PAQR7: variants seen among roughly 807,000 people sequenced by gnomAD.
The protein encoded by PAQR7 is membrane progestin receptor alpha.
PAQR7 carries 14 observed loss-of-function variants against 24.6 expected under a neutral mutation model. That is an observed-to-expected ratio of 0.57 (90% CI 0.38 to 0.89). The LOEUF is 0.89. Ranked by LOEUF, PAQR7 falls within the 40% of genes least tolerant of loss-of-function variation. The pLI, the probability that PAQR7 is intolerant of heterozygous loss-of-function variation, is 0.00. For synonymous variants in PAQR7, 189 were observed against 198.8 expected (o/e 0.95, Z 0.42); for missense variants, 351 against 444.0 (o/e 0.79, Z 1.88).
chr1:25,864,783 T>C lies in PAQR7; in HGVS notation c.-22-922A>G, dbSNP rs539931671. Among the ~76,000 whole-genome samples, 165 of 151,468 alleles carry C rather than the reference T, an allele frequency of 1.1e-3. 1 individual carries two copies. The highest frequency in any genetic ancestry group is 3.8e-3 in the African/African-American group (157 of 41,246). On this transcript the variant is annotated intron_variant, in intron 2 of 2. Transcript: ENST00000675840. ...GGAGGATCCCTTGAGCCCAGGAATT[T>C]GATGTACAGTGAGCTCTGATCACAC... is the stretch of plus-strand genomic sequence containing the variant.
At chr1:25,874,327 G>C (rs997351337) in intron 1 of PAQR7, among the ~76,000 whole-genome samples, 4 of 152,166 alleles carry the variant, frequency 2.6e-5, no homozygotes, top group Admixed American at 2.6e-4. Context: ...TTATAAGTGT[G>C]AGCTCCCACA....
At chr1:25,867,019 C>T (rs2782824) in intron 2 of PAQR7, among the ~76,000 whole-genome samples, 69,603 of 151,612 alleles carry the variant, frequency 0.46, 17,697 homozygotes, top group South Asian at 0.73. Flanking sequence ...GCGTGAGCCA[C>T]GGCACCCAGC....
intron 1 of PAQR7, among the ~76,000 whole-genome samples, chr1:25,872,159 C>G (rs1193833062): frequency 1.3e-5 from 2 of 152,210 alleles, no homozygotes; most frequent in African/African-American, 4.8e-5. Flanking sequence ...ATAGCTGCCT[C>G]TTGGGCTCTT....
At chr1:25,874,541 G>T (rs1369234590) in intron 1 of PAQR7, among the ~76,000 whole-genome samples, 3 of 152,146 alleles carry the variant, frequency 2.0e-5, no homozygotes, top group African/African-American at 7.2e-5. Flanking sequence ...CTGGAGAGGG[G>T]CAGCCTCTCA....
Position 25,870,357 on chromosome 1 carries a change from C to A in PAQR7, c.-23+252G>T, listed in dbSNP as rs2048593727. Among the ~76,000 whole-genome samples the A allele has an allele frequency of 1.3e-5, 2 of 152,160 alleles. 1 individual carries two copies. The highest frequency in any genetic ancestry group is 2.9e-5 in the Non-Finnish European group (2 of 68,024). ...GGGCAAATTCACCAGATGCTGAGCA[C>A]TTCCACAGATGAGGGGCACTAGGGG... On this transcript the variant is annotated intron_variant, in intron 2 of 2. Transcript: ENST00000675840.
At position 25,862,365 on chromosome 1, in the gene PAQR7, C is replaced by T. The variant is rs1271199165; in HGVS notation, c.*434G>A. On this transcript the variant is annotated 3_prime_UTR_variant, in exon 3 of 3. Transcript: ENST00000675840. ...ATCCTGTATATATTTTGGGCCTACC[C>T]CTTCCGCATCCAGCAATGAAATCTG... 4 of 184,492 alleles carry T rather than the reference C, an allele frequency of 2.2e-5. No individual in the cohort carries two copies. In the Admixed American group the frequency reaches 2.2e-4, roughly 10 times the overall value. The allele number at this position is 184,492 out of a possible 1,614,324, so 11.4% of individuals were successfully genotyped here.
At chr1:25,871,856 C>T (rs1368420870) in intron 1 of PAQR7, among the ~76,000 whole-genome samples, 1 of 152,240 alleles carries the variant, frequency 6.6e-6, no homozygotes, top group Non-Finnish European at 1.5e-5. Context: ...AGCAGACAGG[C>T]TCCCTGCCCC....
At chr1:25,874,379 A>C (rs1035326585) in intron 1 of PAQR7, among the ~76,000 whole-genome samples, 1 of 152,084 alleles carries the variant, frequency 6.6e-6, no homozygotes, top group African/African-American at 2.4e-5. Context: ...TATTCTGTGG[A>C]GCTGAGACTT....
intron 2 of PAQR7, among the ~76,000 whole-genome samples, chr1:25,864,845 G>A (rs963598181): frequency 6.6e-6 from 1 of 152,000 alleles, no homozygotes; most frequent in East Asian, 1.9e-4. Flanking sequence ...GATCTCAAGC[G>A]AGATCCTGTC....
chr1:25,863,854 G>A lies in PAQR7; in HGVS notation c.-15C>T. On this transcript the variant is annotated 5_prime_UTR_variant, in exon 3 of 3. Coordinates refer to ENST00000675840, the MANE Select transcript of PAQR7 (RefSeq NM_178422.6). This position sits in a 1 kb window ranked among gnomAD's most constrained non-coding sequence, Gnocchi z 6.1. ...GCCATGGCCATGGCTGTGGGCCTGG[G>A]CAGGGAGCTGGGAGAGAGACCAGAG... The A allele has an allele frequency of 6.2e-7, 1 of 1,600,628 alleles. No homozygotes were observed. The highest frequency in any genetic ancestry group is 8.5e-7 in the Non-Finnish European group (1 of 1,173,530).
At chr1:25,866,954 C>T (rs1193182391) in intron 2 of PAQR7, among the ~76,000 whole-genome samples, 1 of 152,238 alleles carries the variant, frequency 6.6e-6, no homozygotes, top group African/African-American at 2.4e-5. Flanking sequence ...TGGTCTCGAA[C>T]TCCTGACCTC....
At chr1:25,864,299 T>A (rs1311776842) in intron 2 of PAQR7, among the ~76,000 whole-genome samples, 2 of 152,104 alleles carry the variant, frequency 1.3e-5, no homozygotes, top group Non-Finnish European at 2.9e-5. Context: ...ATAATGACCT[T>A]GCTAATAGAC....
At chr1:25,868,996 A>ACGTGC (rs1271023683) in intron 2 of PAQR7, among the ~76,000 whole-genome samples, 1 of 150,500 alleles carries the variant, frequency 6.6e-6, no homozygotes, top group African/African-American at 2.4e-5. Flanking sequence ...GCGTGGTGGC[A>ACGTGC]CGTGCCTGTA....
chr1:25,874,468 C>A (rs2048632729), intron 1 of PAQR7, among the ~76,000 whole-genome samples: 1 of 152,154 alleles, frequency 6.6e-6, no homozygotes, highest in East Asian at 1.9e-4. Context: ...GCATGGGGCA[C>A]AGAAAAAGGA....
Position 25,863,815 on chromosome 1 carries a change from G to C in PAQR7, c.25C>G (p.His9Asp). Residue 9 changes from histidine (H) to aspartate (D), a missense_variant, in exon 3 of 3, where the codon CAC becomes GAC. Physicochemically the swap from His to Asp is moderately conservative, Grantham distance 81 (BLOSUM62 -1). Coordinates refer to ENST00000675840, the MANE Select transcript of PAQR7 (RefSeq NM_178422.6). The surrounding 1 kb of genome is among the most constrained non-coding windows in gnomAD (Gnocchi z 6.1). ...ACCTGCCGCAGACTCGGCAGGAGGT[G>C]GCTGAGTTTCTGGGCCATGGCCATG... Reference protein sequence around the residue: MAMAQKLSHLLPSLRQVIQ... With the variant: MAMAQKLSDLLPSLRQVIQ... 1 of 1,612,944 alleles carries C rather than the reference G, an allele frequency of 6.2e-7. No individual in the cohort carries two copies.
At position 25,863,897 on chromosome 1, in the gene PAQR7, T is replaced by G; in HGVS notation, c.-22-36A>C. 3 of 1,507,624 alleles carry G rather than the reference T, an allele frequency of 2.0e-6. No homozygotes were observed. The highest frequency in any genetic ancestry group is 4.5e-5 in the East Asian group (2 of 44,042). The allele number at this position is 1,507,624 out of a possible 1,614,324, so 93.4% of individuals were successfully genotyped here. A position where few individuals can be genotyped will look rare whatever the true frequency, so the allele number is the denominator to read the frequency against. On this transcript the variant is annotated intron_variant, in intron 2 of 2. Coordinates refer to ENST00000675840, the MANE Select transcript of PAQR7 (RefSeq NM_178422.6). The surrounding 1 kb of genome is among the most constrained non-coding windows in gnomAD (Gnocchi z 6.1). Reference sequence around the variant, plus strand: ...GACCAGAGCAAAGTCAGGGGCCTGGTGTCCTCACCCCCACGAGCAGCAGCT... The same window carrying G: ...GACCAGAGCAAAGTCAGGGGCCTGGGGTCCTCACCCCCACGAGCAGCAGCT...
intron 1 of PAQR7, among the ~76,000 whole-genome samples, chr1:25,871,480 C>T (rs1466164070): frequency 2.0e-5 from 3 of 152,252 alleles, no homozygotes; most frequent in South Asian, 2.1e-4. Context: ...CTCTGAAGTG[C>T]GATCTCCAGG....
rs1355827209 is a variant in PAQR7, at chr1:25,861,661, T to A, written c.*1138A>T. The A allele has an allele frequency of 1.3e-5, 2 of 152,226 alleles. No homozygotes were observed. Among genetic ancestry groups the A allele is most frequent in the African/African-American group, 4.8e-5 (2 of 41,354 alleles). 9.4% of individuals were successfully genotyped at this position (152,226 alleles called of 1,614,324 possible). ...ACTCCCCAACCTAAGACCCTGAGGG[T>A]CCCAGGCAGCACAGGTTAATCCCTC... On this transcript the variant is annotated 3_prime_UTR_variant, in exon 3 of 3. Transcript: ENST00000675840.
chr1:25,863,607 T>C lies in PAQR7; in HGVS notation c.233A>G (p.His78Arg). ...QHNEAVNVWT[H>R]LLAALVLLLR... Reference sequence around the variant, plus strand: ...CAGCAGTACCAGGGCCGCCAGCAGGTGGGTCCAGACATTCACGGCCTCGTT... The same window carrying C: ...CAGCAGTACCAGGGCCGCCAGCAGGCGGGTCCAGACATTCACGGCCTCGTT... The change falls in exon 3 of 3, where the codon CAC (histidine) becomes CGC (arginine). Residue 78 changes from histidine (H) to arginine (R), a missense_variant. By Grantham distance (29) the His-to-Arg change is conservative. Coordinates refer to ENST00000675840, the MANE Select transcript of PAQR7 (RefSeq NM_178422.6). The surrounding 1 kb of genome is among the most constrained non-coding windows in gnomAD (Gnocchi z 6.1). 6.2e-7 allele frequency: 1 copy of C among 1,614,068 alleles called. No individual in the cohort carries two copies. The highest frequency in any genetic ancestry group is 8.5e-7 in the Non-Finnish European group (1 of 1,179,994).
Sources: allele counts gnomAD v4.1 joint callset (sites outside exome capture counted in the v4.1 genomes callset), GRCh38; gene constraint gnomAD v4.1.1; non-coding constraint Gnocchi (gnomAD v3.1); transcripts MANE v1.5; gene names NCBI Gene and HGNC (gene_info 2026-07-23, HGNC 2026-07-21).